Variants in BRF1 observed in about 807,000 individuals in gnomAD.
BRF1 encodes transcription factor IIIB 90 kDa subunit.
In BRF1, 59 loss-of-function variants were observed where a neutral mutation model predicts 81.7. That is an observed-to-expected ratio of 0.72 (90% CI 0.59 to 0.90). BRF1 has a LOEUF of 0.90. BRF1 is among the 40% of genes least tolerant of loss of function. The probability of loss-of-function intolerance (pLI) is 0.00; values close to 1 mark genes in which losing one functional copy is unlikely to be tolerated. For synonymous variants in BRF1, 491 were observed against 395.6 expected (o/e 1.24, Z -2.86); for missense variants, 1,050 against 936.3 (o/e 1.12, Z -1.58).
In BRF1 at chr14:105,243,616, A is replaced by G. The variant is rs144043138; in HGVS notation, c.545-2202T>C. Among the ~76,000 whole-genome samples, 499 of 150,906 alleles carry G rather than the reference A, an allele frequency of 3.3e-3. 3 individuals carry two copies. The highest frequency in any genetic ancestry group is 0.014 in the East Asian group (73 of 5,098). ...CTGGGCAACAGAAAAAAAAAAAGAG[A>G]GAGAAAGAAAAAGATGTACTAATGT... On this transcript the variant is annotated intron_variant, in intron 5 of 17. Coordinates refer to ENST00000547530, the MANE Select transcript of BRF1 (RefSeq NM_001519.4).
At chr14:105,249,105 C>T (rs778493865) in intron 5 of BRF1, 59 of 1,492,258 alleles carry the variant, frequency 4.0e-5, no homozygotes, top group Middle Eastern at 2.1e-4. Context: ...TGCCCCGCGG[C>T]CCCCGCGCCC....
At chr14:105,286,707 G>A (rs1185753481) in intron 1 of BRF1, among the ~76,000 whole-genome samples, 4 of 152,124 alleles carry the variant, frequency 2.6e-5, no homozygotes, top group East Asian at 3.9e-4. Flanking sequence ...CTGGGTTCAC[G>A]CCATTCTCCT....
rs763121572 is a variant in BRF1 at position 105,300,607 on chromosome 14, C to T, written c.23G>A (p.Gly8Asp). Residue 8 changes from glycine to aspartate, a missense_variant, in exon 1 of 18, where the codon GGT (glycine) becomes GAT (aspartate). Gly to Asp is a moderately conservative substitution (Grantham distance 94). Coordinates refer to ENST00000547530, the MANE Select transcript of BRF1 (RefSeq NM_001519.4). ...CAGCTCGATGTCCGTGCCGCCGCAACCGCGGCACACGCGGCCCGTCATGCC... is the reference window on the plus strand; with the variant it reads ...CAGCTCGATGTCCGTGCCGCCGCAATCGCGGCACACGCGGCCCGTCATGCC... MTGRVCR[G>D]CGGTDIELDA... The T allele has an allele frequency of 5.6e-6, 8 of 1,440,390 alleles. No individual in the cohort carries two copies. In the Admixed American group the frequency reaches 1.9e-4, roughly 34 times the overall value. 89.2% of individuals were successfully genotyped at this position (1,440,390 alleles called of 1,614,324 possible). A position where few individuals can be genotyped will look rare whatever the true frequency, so the allele number is the denominator to read the frequency against.
At chr14:105,228,683 G>A (rs587594429) in intron 7 of BRF1, 137 bp downstream of exon 7, 6 of 923,986 alleles carry the variant, frequency 6.5e-6, no homozygotes, top group Admixed American at 2.0e-5. Context: ...TGTGACCGGG[G>A]CTGGGCTAGG....
chr14:105,241,241 C>G (rs1040249618), intron 6 of BRF1, 24 bp downstream of exon 6: 5 of 1,607,380 alleles, frequency 3.1e-6, no homozygotes, highest in African/African-American at 2.7e-5. Flanking sequence ...CCAGCATCCC[C>G]CAGGCAGGCA....
intron 5 of BRF1, chr14:105,250,545 T>C (rs375897134): frequency 5.0e-6 from 8 of 1,613,910 alleles, no homozygotes; most frequent in Non-Finnish European, 6.8e-6. Context: ...CTCAGCTACT[T>C]TGGGCAGGAG....
chr14:105,241,451 G>T, intron 5 of BRF1, 37 bp from the exon 6 acceptor site: 1 of 1,606,366 alleles, frequency 6.2e-7, no homozygotes, highest in Non-Finnish European at 8.5e-7. Flanking sequence ...CCACCTCCAT[G>T]TGCCATGGCA....
At chr14:105,273,843 A>G (rs2140414192) in intron 2 of BRF1, among the ~76,000 whole-genome samples, 1 of 152,334 alleles carries the variant, frequency 6.6e-6, no homozygotes, top group African/African-American at 2.4e-5. Context: ...GATAGTCTGA[A>G]ATATGGCCTC....
Position 105,309,388 on chromosome 14 carries a change from C to T in BRF1, c.-162+5934G>A, listed in dbSNP as rs890429092. On this transcript the variant is annotated intron_variant, in intron 1 of 17. Coordinates refer to the BRF1 transcript ENST00000327359. The surrounding 1 kb of genome is among the most constrained non-coding windows in gnomAD (Gnocchi z 4.0). ...CCCCATGTTGCTAAAACTGAGGCAG[C>T]GTTCCGTTTTGCTGGTTATTCCACA... 2.0e-5 allele frequency among the ~76,000 whole-genome samples: 3 copies of T among 152,184 alleles called. No homozygotes were observed. The highest frequency in any genetic ancestry group is 4.4e-5 in the Non-Finnish European group (3 of 68,032).
intron 5 of BRF1, chr14:105,248,193 A>C (rs752464222): frequency 2.0e-5 from 20 of 985,520 alleles, no homozygotes; most frequent in Non-Finnish European, 2.3e-5. Context: ...CGTCCGTAGC[A>C]AGCTAAATCG....
At chr14:105,222,698 G>A (rs187234488) in intron 10 of BRF1, among the ~76,000 whole-genome samples, 110 of 151,626 alleles carry the variant, frequency 7.3e-4, no homozygotes, top group African/African-American at 2.3e-3. Context: ...ACGCGATCTC[G>A]GCTCACTGCA....
At chr14:105,227,839 C>G (rs1415238748) in intron 7 of BRF1, 1 of 152,226 alleles carries the variant, frequency 6.6e-6, no homozygotes, top group African/African-American at 2.4e-5. Flanking sequence ...TACTTTACAG[C>G]TGGTTTTGGA....
At chr14:105,251,073 T>C (rs1408620244) in intron 5 of BRF1, 3 of 216,352 alleles carry the variant, frequency 1.4e-5, no homozygotes, top group African/African-American at 2.3e-5. Context: ...ACTTCTGTAA[T>C]AAAGGTTGCC....
At chr14:105,228,113 C>A (rs2141587443) in intron 7 of BRF1, 1 of 152,334 alleles carries the variant, frequency 6.6e-6, no homozygotes, top group African/African-American at 2.4e-5. Context: ...TTATGGCACT[C>A]CGGCTTCTCA....
At chr14:105,282,865 G>A (rs587679159) in intron 2 of BRF1, among the ~76,000 whole-genome samples, 4 of 152,228 alleles carry the variant, frequency 2.6e-5, no homozygotes, top group South Asian at 4.1e-4. Context: ...CCCAGGAGGC[G>A]GAGGTTGCAG....
rs772993016 is a variant in BRF1, at chr14:105,272,909, G to A, written c.266-15C>T. ...GTGGCGCCTCCCTAGGACACAGCACGAGGCAGCTCTTAGCCAAATGTTCCC... is the reference window on the plus strand; with the variant it reads ...GTGGCGCCTCCCTAGGACACAGCACAAGGCAGCTCTTAGCCAAATGTTCCC... On this transcript the variant is annotated splice_polypyrimidine_tract_variant and intron_variant, in intron 2 of 17. Coordinates refer to ENST00000547530, the MANE Select transcript of BRF1 (RefSeq NM_001519.4). 64 of 1,572,396 alleles carry A rather than the reference G, an allele frequency of 4.1e-5. No homozygotes were observed. Among genetic ancestry groups the A allele is most frequent in the Non-Finnish European group, 5.5e-5 (64 of 1,153,668 alleles).
At chr14:105,248,813 G>A (rs1170353439) in intron 5 of BRF1, 2 of 984,988 alleles carry the variant, frequency 2.0e-6, no homozygotes, top group Non-Finnish European at 1.2e-6. Context: ...GCGGCGCGAG[G>A]GCGCGGGGCG....
At position 105,253,023 on chromosome 14, in the gene BRF1, G is replaced by T. The variant is rs1016320404; in HGVS notation, c.472-444C>A. Among the ~76,000 whole-genome samples the T allele has an allele frequency of 2.0e-5, 3 of 152,204 alleles. No homozygotes were observed. The South Asian group carries it at 6.2e-4, about 31-fold the overall frequency. On this transcript the variant is annotated intron_variant, in intron 4 of 17. Transcript: ENST00000547530. ...CTGGGACTGAGATCTGTGTTCCTCAGTGACTCCCCTGCCCCCCACACTGTT... is the reference window on the plus strand; with the variant it reads ...CTGGGACTGAGATCTGTGTTCCTCATTGACTCCCCTGCCCCCCACACTGTT...
intron 5 of BRF1, chr14:105,249,605 G>C: frequency 6.3e-7 from 1 of 1,589,978 alleles, no homozygotes; most frequent in Non-Finnish European, 8.6e-7. Flanking sequence ...GGGTGCTTGG[G>C]AGCCAGCCCC....
Sources: gnomAD v4.1 joint callset for allele counts (sites outside exome capture counted in the v4.1 genomes callset) on GRCh38, gnomAD v4.1.1 for gene constraint, Gnocchi (gnomAD v3.1) non-coding constraint, MANE v1.5 for transcripts, NCBI Gene and HGNC (gene_info 2026-07-23, HGNC 2026-07-21) for gene names.